Variants in CSRP3 observed in about 807,000 individuals in gnomAD.
CSRP3 encodes the protein cysteine and glycine rich protein 3, also known as cysteine and glycine-rich protein 3.
CSRP3 carries 24 observed loss-of-function variants against 24.3 expected under a neutral mutation model. The observed-to-expected ratio is 0.99, with a 90% CI of 0.71 to 1.39. CSRP3 has a LOEUF of 1.39. Ranked by LOEUF, CSRP3 falls within the 40% of genes most tolerant of loss-of-function variation. The pLI is 0.00. For missense variants in CSRP3, 240 were observed against 249.0 expected (o/e 0.96, Z 0.24); for synonymous variants, 105 against 94.0 (o/e 1.12, Z -0.68).
intron 1 of CSRP3, among the ~76,000 whole-genome samples, chr11:19,198,471 G>C (rs375911706): frequency 1.4e-4 from 22 of 152,352 alleles, no homozygotes; most frequent in East Asian, 5.8e-4. Context: ...GTTCAACATG[G>C]AAAGGGCTTC....
intron 1 of CSRP3, among the ~76,000 whole-genome samples, chr11:19,200,273 G>A (rs1434178038): frequency 2.6e-5 from 4 of 152,214 alleles, no homozygotes; most frequent in East Asian, 1.9e-4. Context: ...TGGAAACTCA[G>A]ATAAGTTAAG....
chr11:19,195,211 C>T (rs143106967), intron 1 of CSRP3, among the ~76,000 whole-genome samples: 4 of 151,884 alleles, frequency 2.6e-5, no homozygotes, highest in South Asian at 2.1e-4. Flanking sequence ...AGCAGAAAGG[C>T]GTAGAGGCCT....
intron 2 of CSRP3, among the ~76,000 whole-genome samples, chr11:19,191,597 T>C (rs541469995): frequency 6.6e-6 from 1 of 152,190 alleles, no homozygotes; most frequent in Non-Finnish European, 1.5e-5. Flanking sequence ...TAGAGGTTCA[T>C]GTATAAGACT....
At chr11:19,187,841 A>G (rs890629626) in intron 3 of CSRP3, among the ~76,000 whole-genome samples, 11 of 152,230 alleles carry the variant, frequency 7.2e-5, no homozygotes, top group Non-Finnish European at 1.5e-4. Flanking sequence ...GACTCCATGC[A>G]GTTTTGCAAA....
At chr11:19,185,663 A>C (rs1850513207) in intron 4 of CSRP3, among the ~76,000 whole-genome samples, 1 of 152,138 alleles carries the variant, frequency 6.6e-6, no homozygotes, top group Non-Finnish European at 1.5e-5. Flanking sequence ...ATGTGGTATA[A>C]ACATAATTTT....
intron 2 of CSRP3, 102 bp from the exon 3 acceptor site, chr11:19,188,406 C>A: frequency 8.1e-7 from 1 of 1,238,550 alleles, no homozygotes; most frequent in Non-Finnish European, 1.2e-6. Context: ...GCATGAGGGG[C>A]CCCTGAGCCA....
intron 1 of CSRP3, among the ~76,000 whole-genome samples, chr11:19,194,376 C>G (rs1850663099): frequency 6.6e-6 from 1 of 152,140 alleles, no homozygotes; most frequent in Non-Finnish European, 1.5e-5. Context: ...TAGAAAAGAA[C>G]TTTAAAAAAG....
chr11:19,186,767 G>T (rs1224928341), intron 3 of CSRP3, among the ~76,000 whole-genome samples: 1 of 152,194 alleles, frequency 6.6e-6, no homozygotes, highest in Non-Finnish European at 1.5e-5. Flanking sequence ...ACAGAGCAAG[G>T]TGGGATTTTG....
intron 3 of CSRP3, among the ~76,000 whole-genome samples, chr11:19,187,212 T>C (rs1850540906): frequency 1.3e-5 from 2 of 152,250 alleles, no homozygotes; most frequent in South Asian, 4.1e-4. Context: ...CCATTTGAGA[T>C]TGAGTAATAA....
chr11:19,189,135 A>G (rs1445730384), intron 2 of CSRP3, among the ~76,000 whole-genome samples: 2 of 152,190 alleles, frequency 1.3e-5, no homozygotes, highest in African/African-American at 4.8e-5. Context: ...GGGAATAATT[A>G]TCTCCAATTC....
chr11:19,188,162 G>T lies in CSRP3; in HGVS notation c.255C>A (p.Gly85=), dbSNP rs752338221. The change falls in exon 3 of 6, where the codon GGC becomes GGA. Residue 85 remains glycine (G), a synonymous_variant. Transcript: ENST00000265968. ...QGAGCLSTDT[G]EHLGLQFQQS... ...GTTGGAACTGCAGGCCGAGATGCTC[G>T]CCCGTGTCTGTGCTGAGACAGCCAG... is the stretch of plus-strand genomic sequence containing the variant. The T allele has an allele frequency of 1.2e-6, 2 of 1,614,126 alleles. No homozygotes were observed. Among genetic ancestry groups the T allele is most frequent in the South Asian group, 1.1e-5 (1 of 91,082 alleles).
Position 19,192,467 on chromosome 11 carries a change from A to G in CSRP3, c.-19T>C. The G allele has an allele frequency of 6.3e-7, 1 of 1,598,748 alleles. No individual in the cohort carries two copies. Among genetic ancestry groups the G allele is most frequent in the Non-Finnish European group, 8.6e-7 (1 of 1,165,910 alleles). ...TTGGCATCTTGAAGACTATCTGGTCAAGGTCAAGTCTAAGGGGACATAAAG... is the reference window on the plus strand; with the variant it reads ...TTGGCATCTTGAAGACTATCTGGTCGAGGTCAAGTCTAAGGGGACATAAAG... On this transcript the variant is annotated 5_prime_UTR_variant, in exon 2 of 6. Transcript: ENST00000265968.
intron 1 of CSRP3, among the ~76,000 whole-genome samples, chr11:19,197,388 CCCTTCCTTCCTTCCTTCCTT>C (rs869090928): frequency 7.4e-4 from 8 of 10,844 alleles, no homozygotes; most frequent in Admixed American, 1.4e-3. Flanking sequence ...CTCCCTCCCT[CCCTTCCTTCCTTCCTTCCTT>C]CCTTCCTTCC....
At position 19,197,469 on chromosome 11, in the gene CSRP3, T is replaced by C. The variant is rs183963421; in HGVS notation, c.-29+4485A>G. Among the ~76,000 whole-genome samples the C allele has an allele frequency of 2.1e-3, 308 of 146,002 alleles. 2 individuals carry two copies. The highest frequency in any genetic ancestry group is 3.4e-3 in the Non-Finnish European group (226 of 66,438). On this transcript the variant is annotated intron_variant, in intron 1 of 5. Coordinates refer to ENST00000265968, the MANE Select transcript of CSRP3 (RefSeq NM_003476.5). Reference sequence around the variant, plus strand: ...TCCTTTTTCCTTTCCTTCCCTCCCTTCCTCTCTCCATCTCTTTCTCTCCCT... The same window carrying C: ...TCCTTTTTCCTTTCCTTCCCTCCCTCCCTCTCTCCATCTCTTTCTCTCCCT...
rs184902464 is a variant in CSRP3 at position 19,186,562 on chromosome 11, A to C, written c.282-214T>G. Among the ~76,000 whole-genome samples the C allele has an allele frequency of 3.7e-3, 560 of 152,340 alleles. 5 individuals carry two copies. Among genetic ancestry groups the C allele is most frequent in the African/African-American group, 0.013 (532 of 41,574 alleles). On this transcript the variant is annotated intron_variant, in intron 3 of 5. Coordinates refer to ENST00000265968, the MANE Select transcript of CSRP3 (RefSeq NM_003476.5). ...TTAGAACAGTGCCCGCCTGGCATGT[A>C]GTAAGGGCTAATAAATGTTTGCTAA... is the stretch of plus-strand genomic sequence containing the variant.
rs182754901 is a variant in CSRP3 at position 19,192,947 on chromosome 11, G to C, written c.-28-471C>G. Among the ~76,000 whole-genome samples, 381 of 152,220 alleles carry C rather than the reference G, an allele frequency of 2.5e-3. 3 individuals carry two copies. The highest frequency in any genetic ancestry group is 8.7e-3 in the African/African-American group (363 of 41,530). On this transcript the variant is annotated intron_variant, in intron 1 of 5. Transcript: ENST00000265968. ...GCAGATTCTGGTTTGGTAGATCTGG[G>C]GAGAGGCAGGAAATTCTGCATTTCT...
At chr11:19,195,474 T>C (rs754060092) in intron 1 of CSRP3, among the ~76,000 whole-genome samples, 4 of 152,236 alleles carry the variant, frequency 2.6e-5, no homozygotes, top group African/African-American at 7.2e-5. Flanking sequence ...ATTTTGATCC[T>C]GAGTTTCAGC....
At chr11:19,189,168 G>A (rs547316186) in intron 2 of CSRP3, among the ~76,000 whole-genome samples, 4 of 152,162 alleles carry the variant, frequency 2.6e-5, no homozygotes, top group Middle Eastern at 3.4e-3. Context: ...TTCAACATCG[G>A]CATCTCCCTC....
In CSRP3 at chr11:19,186,241, G is replaced by A; in HGVS notation, c.389C>T (p.Ala130Val). 2 of 1,614,182 alleles carry A rather than the reference G, an allele frequency of 1.2e-6. No individual in the cohort carries two copies. Among genetic ancestry groups the A allele is most frequent in the Non-Finnish European group, 1.7e-6 (2 of 1,180,026 alleles). The change falls in exon 4 of 6, where the codon GCT becomes GTT. Residue 130 changes from alanine to valine, a missense_variant. Coordinates refer to ENST00000265968, the MANE Select transcript of CSRP3 (RefSeq NM_003476.5). ...CPRCGKSVYA[A>V]EKVMGGGKPW... ...CTTGCCACCTCCCATAACCTTCTCAGCAGCATAGACTGACTTGCCACATCG... is the reference window on the plus strand; with the variant it reads ...CTTGCCACCTCCCATAACCTTCTCAACAGCATAGACTGACTTGCCACATCG...
Sources: gnomAD v4.1 joint callset for allele counts (sites outside exome capture counted in the v4.1 genomes callset) on GRCh38, gnomAD v4.1.1 for gene constraint, MANE v1.5 for transcripts, NCBI Gene and HGNC (gene_info 2026-07-23, HGNC 2026-07-21) for gene names.